Variants in MGMT observed in about 807,000 individuals in gnomAD.
The protein encoded by MGMT is methylated-DNA--protein-cysteine methyltransferase.
A neutral mutation model predicts 15.9 loss-of-function variants in MGMT; 14 were observed. The ratio of observed to expected loss-of-function variants is 0.88; its 90% CI spans 0.58 to 1.37. MGMT has a LOEUF of 1.37. Among genes scored for constraint, MGMT ranks in the 40% most tolerant of loss-of-function variants. The probability of loss-of-function intolerance (pLI) is 0.00; values close to 1 mark genes in which losing one functional copy is unlikely to be tolerated. For missense variants in MGMT, 282 were observed against 268.1 expected, an observed-to-expected ratio of 1.05 and a Z score of -0.36; for synonymous variants, 130 against 118.2, an observed-to-expected ratio of 1.10 and a Z score of -0.65.
rs1190912290 is a variant in MGMT, at chr10:129,659,425, C to G, written c.126-48470C>G. 6.6e-6 allele frequency among the ~76,000 whole-genome samples: 1 copy of G among 151,756 alleles called. No homozygotes were observed. Among genetic ancestry groups the G allele is most frequent in the Non-Finnish European group, 1.5e-5 (1 of 68,024 alleles). ...TGGGTTGTTTTCTAAATGCGTTTGG[C>G]TGGAGATAGAACAGATCCTGCCTCT... On this transcript the variant is annotated intron_variant, in intron 2 of 4. Coordinates refer to ENST00000651593, the MANE Select transcript of MGMT (RefSeq NM_002412.5). The surrounding 1 kb of genome is among the most constrained non-coding windows in gnomAD (Gnocchi z 4.1).
At chr10:129,700,104 A>G (rs1421102600) in intron 2 of MGMT, 3 of 152,204 alleles carry the variant, frequency 2.0e-5, no homozygotes, top group Non-Finnish European at 2.9e-5. Flanking sequence ...AGGGTGGCGC[A>G]TGAATCACTG....
rs184667832 is a variant in MGMT, at chr10:129,579,940, A to C, written c.125+43563A>C. On this transcript the variant is annotated intron_variant, in intron 2 of 4. Coordinates refer to ENST00000651593, the MANE Select transcript of MGMT (RefSeq NM_002412.5). ...CCCAGAGAGGGCACCGCAGCCACCC[A>C]GGCCTGCCCGTGAGAGGTGGCAGCT... Among the ~76,000 whole-genome samples the C allele has an allele frequency of 4.7e-3, 716 of 152,326 alleles. 5 individuals are homozygous for C. Among genetic ancestry groups the C allele is most frequent in the African/African-American group, 0.016 (679 of 41,576 alleles).
At chr10:129,480,494 G>T (rs1845346040) in intron 1 of MGMT, among the ~76,000 whole-genome samples, 1 of 152,190 alleles carries the variant, frequency 6.6e-6, no homozygotes, top group African/African-American at 2.4e-5. Context: ...AATAATATTT[G>T]TTAATATCAC....
Position 129,766,771 on chromosome 10 carries a change from G to GC in MGMT, c.415-11dup. ...TCCAGATCCCTGACTGACAGTGGCT[G>GC]CCCCCCTGTCTTCCAGGTCCCCATC... On this transcript the variant is annotated splice_polypyrimidine_tract_variant and intron_variant, in intron 4 of 4. Coordinates refer to ENST00000651593, the MANE Select transcript of MGMT (RefSeq NM_002412.5). 6.2e-7 allele frequency: 1 copy of GC among 1,603,434 alleles called. No individual in the cohort carries two copies. The highest frequency in any genetic ancestry group is 1.3e-5 in the African/African-American group (1 of 74,856).
intron 2 of MGMT, among the ~76,000 whole-genome samples, chr10:129,630,859 T>C (rs1847202432): frequency 6.6e-6 from 1 of 152,276 alleles, no homozygotes; most frequent in South Asian, 2.1e-4. Flanking sequence ...ATGGCCAGGC[T>C]GCTTCCGATA....
chr10:129,695,154 A>G (rs954857888), intron 2 of MGMT, among the ~76,000 whole-genome samples: 2 of 152,218 alleles, frequency 1.3e-5, no homozygotes, highest in African/African-American at 2.4e-5. Flanking sequence ...TGGATAGTCA[A>G]GATACTTGTC....
chr10:129,770,284 C>T lies in MGMT; in HGVS notation c.*3287C>T, dbSNP rs1372367355. 6.6e-6 allele frequency among the ~76,000 whole-genome samples: 1 copy of T among 152,228 alleles called. No homozygotes were observed. The highest frequency in any genetic ancestry group is 2.4e-5 in the African/African-American group (1 of 41,454). ...AAGATAAGGATAAAATCCCATCCAC[C>T]TGAATTGCTGAGAAACGTAAGAGGT... is the stretch of plus-strand genomic sequence containing the variant. On this transcript the variant is annotated 3_prime_UTR_variant, in exon 5 of 5. Transcript: ENST00000651593.
At chr10:129,655,449 T>C (rs1213760575) in intron 2 of MGMT, among the ~76,000 whole-genome samples, 1 of 152,220 alleles carries the variant, frequency 6.6e-6, no homozygotes, top group East Asian at 1.9e-4. Flanking sequence ...CTGACGCTTC[T>C]AGAGGGCCTC....
intron 2 of MGMT, among the ~76,000 whole-genome samples, chr10:129,538,776 C>T (rs961803878): frequency 6.6e-6 from 1 of 152,134 alleles, no homozygotes; most frequent in Non-Finnish European, 1.5e-5. Flanking sequence ...GCTGGGATTA[C>T]AGGCACGCAC....
intron 4 of MGMT, among the ~76,000 whole-genome samples, chr10:129,762,704 A>C (rs1007751087): frequency 7.2e-5 from 11 of 152,156 alleles, no homozygotes; most frequent in Non-Finnish European, 1.3e-4. Context: ...TTTCTGAACA[A>C]ATGCATTCCT....
intron 1 of MGMT, among the ~76,000 whole-genome samples, chr10:129,473,283 CGT>C (rs1845252998): frequency 6.6e-6 from 1 of 152,148 alleles, no homozygotes; most frequent in African/African-American, 2.4e-5. Flanking sequence ...TGCAGCATTT[CGT>C]GTGTTTGTGG....
intron 2 of MGMT, among the ~76,000 whole-genome samples, chr10:129,704,909 C>T (rs1848142357): frequency 6.6e-6 from 1 of 152,198 alleles, no homozygotes; most frequent in Admixed American, 6.5e-5. Flanking sequence ...GCCGCCCCTG[C>T]TGTCGGATGA....
intron 2 of MGMT, among the ~76,000 whole-genome samples, chr10:129,696,648 G>A (rs1848035756): frequency 1.3e-5 from 2 of 152,248 alleles, no homozygotes; most frequent in South Asian, 4.1e-4. Flanking sequence ...AGGAGCCTCA[G>A]CACCCTTGTG....
intron 2 of MGMT, among the ~76,000 whole-genome samples, chr10:129,671,995 A>G (rs1041125456): frequency 1.3e-5 from 2 of 152,240 alleles, no homozygotes; most frequent in African/African-American, 4.8e-5. Context: ...CACATCCTTT[A>G]TATCAGTAGA....
rs770902787 is a variant in MGMT at position 129,624,176 on chromosome 10, A to G, written c.126-83719A>G. On this transcript the variant is annotated intron_variant, in intron 2 of 4. Transcript: ENST00000651593. ...ACTGGGACATTTTGTGCCAACAATT[A>G]TTAATCAGTTTTAAGATTGACTGGG... is the stretch of plus-strand genomic sequence containing the variant. 4.6e-5 allele frequency among the ~76,000 whole-genome samples: 7 copies of G among 152,224 alleles called. 1 individual carries two copies. The highest frequency in any genetic ancestry group is 1.7e-4 in the African/African-American group (7 of 41,456).
chr10:129,500,561 G>A (rs938762409), intron 1 of MGMT, among the ~76,000 whole-genome samples: 7 of 152,040 alleles, frequency 4.6e-5, no homozygotes, highest in Non-Finnish European at 8.8e-5. Flanking sequence ...GAATGTTAAC[G>A]TTATTATTTA....
intron 3 of MGMT, among the ~76,000 whole-genome samples, chr10:129,752,494 A>G (rs543275263): frequency 2.2e-4 from 34 of 151,964 alleles, no homozygotes; most frequent in Non-Finnish European, 4.4e-4. Context: ...TAATGTTTCA[A>G]TTTAGGTCTA....
chr10:129,692,073 C>G (rs1275724123), intron 2 of MGMT, among the ~76,000 whole-genome samples: 1 of 152,198 alleles, frequency 6.6e-6, no homozygotes, highest in Non-Finnish European at 1.5e-5. Context: ...CCAGTGGGTG[C>G]TCAGGGGATG....
intron 2 of MGMT, among the ~76,000 whole-genome samples, chr10:129,666,957 T>C (rs1045501430): frequency 1.9e-4 from 29 of 152,228 alleles, no homozygotes; most frequent in Non-Finnish European, 2.9e-4. Flanking sequence ...GTTGAAGGCT[T>C]CCCAGCCTTA....
Sources: allele counts gnomAD v4.1 joint callset (sites outside exome capture counted in the v4.1 genomes callset), GRCh38; gene constraint gnomAD v4.1.1; non-coding constraint Gnocchi (gnomAD v3.1); transcripts MANE v1.5; gene names NCBI Gene and HGNC (gene_info 2026-07-23, HGNC 2026-07-21).